The following LZTFL1 variants were observed in gnomAD, a reference collection of about 807,000 sequenced individuals.
LZTFL1 encodes leucine zipper transcription factor like 1.
Under a neutral mutation model 45.9 loss-of-function variants are expected in LZTFL1, and 25 were observed. The ratio of observed to expected loss-of-function variants is 0.54; its 90% confidence interval spans 0.40 to 0.76. The LOEUF is 0.76. Among genes scored for constraint, LZTFL1 ranks in the 30% least tolerant of loss-of-function variants. The pLI, the probability that LZTFL1 is intolerant of heterozygous loss-of-function variation, is 0.00. For missense variants in LZTFL1, 277 were observed against 331.1 expected (o/e 0.84, Z 1.27); for synonymous variants, 93 against 117.4 (o/e 0.79, Z 1.35).
chr3:45,892,453 C>T (rs1293079861), intron 2 of LZTFL1, among the ~76,000 whole-genome samples: 1 of 152,102 alleles, frequency 6.6e-6, no homozygotes, highest in Admixed American at 6.5e-5. Flanking sequence ...AGTGAATTAA[C>T]ACAGAACAGA....
chr3:45,833,796 A>G (rs981703976), intron 4 of LZTFL1, among the ~76,000 whole-genome samples: 20 of 152,194 alleles, frequency 1.3e-4, no homozygotes, highest in Non-Finnish European at 2.6e-4. Context: ...CCAATTAATG[A>G]GAATGATTAG....
intron 2 of LZTFL1, among the ~76,000 whole-genome samples, chr3:45,897,272 G>A (rs1175910966): frequency 6.6e-6 from 1 of 152,150 alleles, no homozygotes; most frequent in Admixed American, 6.5e-5. Flanking sequence ...TCGTGGTCCT[G>A]ACAAATTTTA....
intron 9 of LZTFL1, among the ~76,000 whole-genome samples, chr3:45,826,820 G>A (rs184123392): frequency 7.8e-4 from 119 of 152,236 alleles, no homozygotes; most frequent in Middle Eastern, 6.8e-3. Context: ...CACCACTTTA[G>A]GTTTCCCCCT....
chr3:45,913,758 G>A (rs772477317), intron 1 of LZTFL1, among the ~76,000 whole-genome samples: 8 of 151,942 alleles, frequency 5.3e-5, no homozygotes, highest in East Asian at 1.9e-4. Flanking sequence ...TCTGTGTACC[G>A]ACCAGCTTAG....
At chr3:45,914,650 T>G (rs1702863156) in intron 1 of LZTFL1, among the ~76,000 whole-genome samples, 1 of 152,196 alleles carries the variant, frequency 6.6e-6, no homozygotes, top group Non-Finnish European at 1.5e-5. Context: ...CAACTTCCTT[T>G]TATTTACTGA....
At chr3:45,886,858 A>T (rs1157733103) in intron 2 of LZTFL1, among the ~76,000 whole-genome samples, 2 of 152,138 alleles carry the variant, frequency 1.3e-5, no homozygotes, top group African/African-American at 2.4e-5. Context: ...GCGAGTAATA[A>T]AACTCCCTCC....
intron 4 of LZTFL1, chr3:45,854,972 G>A (rs752713869): frequency 2.5e-5 from 38 of 1,510,346 alleles, no homozygotes; most frequent in East Asian, 9.8e-5. Context: ...TGTCAGATGC[G>A]CTTGTCAACT....
chr3:45,841,873 G>A (rs1701125981), intron 1 of LZTFL1, 116 bp downstream of exon 1: 5 of 1,357,130 alleles, frequency 3.7e-6, no homozygotes, highest in Middle Eastern at 1.9e-4. Context: ...GGAGGCTGAG[G>A]TGCGGCCAGA....
intron 4 of LZTFL1, among the ~76,000 whole-genome samples, chr3:45,847,730 C>T (rs1430088232): frequency 6.6e-6 from 1 of 152,176 alleles, no homozygotes; most frequent in African/African-American, 2.4e-5. Flanking sequence ...GAGATTGCAG[C>T]TTTATAGACA....
chr3:45,834,178 A>G, intron 4 of LZTFL1, 60 bp downstream of exon 4: 1 of 920,122 alleles, frequency 1.1e-6, no homozygotes, highest in Non-Finnish European at 1.7e-6. Context: ...TTCTTTGAGC[A>G]ACTTGAGGAT....
At chr3:45,867,507 A>C (rs1701596929) in intron 2 of LZTFL1, among the ~76,000 whole-genome samples, 1 of 152,112 alleles carries the variant, frequency 6.6e-6, no homozygotes, top group Non-Finnish European at 1.5e-5. Context: ...ATTAAAAGGC[A>C]AGGCTGGAAG....
intron 2 of LZTFL1, among the ~76,000 whole-genome samples, chr3:45,860,519 G>A (rs1053769535): frequency 6.6e-6 from 1 of 152,022 alleles, no homozygotes; most frequent in African/African-American, 2.4e-5. Flanking sequence ...AGCAAATGTG[G>A]AAAATCTGCT....
intron 2 of LZTFL1, among the ~76,000 whole-genome samples, chr3:45,908,195 G>A (rs1282191564): frequency 6.6e-6 from 1 of 152,142 alleles, no homozygotes; most frequent in African/African-American, 2.4e-5. Context: ...CCAGTTTCTG[G>A]GTGCAGACTC....
intron 2 of LZTFL1, among the ~76,000 whole-genome samples, chr3:45,895,713 TAA>T (rs35514118): frequency 1.6e-4 from 23 of 139,740 alleles, no homozygotes; most frequent in Admixed American, 3.5e-4. Flanking sequence ...GACTCTGTCT[TAA>T]AAAAAAAAAA....
upstream of LZTFL1, among the ~76,000 whole-genome samples, chr3:45,843,100 A>C (rs1467882981): frequency 2.6e-5 from 4 of 152,210 alleles, no homozygotes; most frequent in Non-Finnish European, 1.5e-5. Context: ...GGTATGCCCA[A>C]CTTCAGCTTT....
In LZTFL1 at chr3:45,825,616, T is replaced by A. The variant is rs1384173880; in HGVS notation, c.*698A>T. 1 of 152,164 alleles carries A rather than the reference T, an allele frequency of 6.6e-6. No individual in the cohort carries two copies. Among genetic ancestry groups the A allele is most frequent in the East Asian group, 1.9e-4 (1 of 5,194 alleles). The allele number at this position is 152,164 out of a possible 1,614,324, so 9.4% of individuals were successfully genotyped here. On this transcript the variant is annotated 3_prime_UTR_variant, in exon 10 of 10. Coordinates refer to ENST00000296135, the MANE Select transcript of LZTFL1 (RefSeq NM_020347.4). ...TAAACTGTAGAAGTGCAGGATGGAT[T>A]TGACTTATCCATTAGTAATACAGAC...
At position 45,842,019 on chromosome 3, in the gene LZTFL1, G is replaced by T; in HGVS notation, c.-28C>A. ...CGGCAGGCAGCGGCGGCAGCCTAAA[G>T]GAACGGGAGAGGCCAGGCGGTGCCC... On this transcript the variant is annotated 5_prime_UTR_variant, in exon 1 of 10. Transcript: ENST00000296135. The T allele has an allele frequency of 6.2e-7, 1 of 1,607,996 alleles. No individual in the cohort carries two copies.
intron 2 of LZTFL1, among the ~76,000 whole-genome samples, chr3:45,886,040 T>A (rs1701972183): frequency 6.6e-6 from 1 of 152,184 alleles, no homozygotes. Context: ...TTTAATTAAT[T>A]TGAATTTAAA....
intron 3 of LZTFL1, among the ~76,000 whole-genome samples, chr3:45,856,753 G>A (rs1701399930): frequency 6.6e-6 from 1 of 152,130 alleles, no homozygotes; most frequent in African/African-American, 2.4e-5. Flanking sequence ...CATTTATGCA[G>A]CCAACAAACA....
Sources: gnomAD v4.1 joint callset for allele counts (sites outside exome capture counted in the v4.1 genomes callset) on GRCh38, gnomAD v4.1.1 for gene constraint, MANE v1.5 for transcripts, NCBI Gene and HGNC (gene_info 2026-07-23, HGNC 2026-07-21) for gene names.